The following SLC29A3 variants were observed in gnomAD, a reference collection of about 807,000 sequenced individuals.
SLC29A3 encodes equilibrative nucleoside transporter 3.
A neutral mutation model predicts 25.4 loss-of-function variants in SLC29A3; 18 were observed. The observed-to-expected ratio is 0.71, with a 90% CI of 0.49 to 1.05. The LOEUF (loss-of-function observed/expected upper bound fraction) is 1.05. Ranked by LOEUF, SLC29A3 falls within the 50% of genes least tolerant of loss-of-function variation. The pLI is 0.00. For missense variants in SLC29A3, 586 were observed against 609.0 expected (o/e 0.96, Z 0.40); for synonymous variants, 258 against 267.1 (o/e 0.97, Z 0.33).
intron 4 of SLC29A3, among the ~76,000 whole-genome samples, chr10:71,354,055 G>A (rs1009569980): frequency 1.3e-5 from 2 of 152,204 alleles, no homozygotes; most frequent in Non-Finnish European, 2.9e-5. Flanking sequence ...CTTCTCAGAA[G>A]TGGGCATCCT....
chr10:71,351,233 GC>G (rs1432692748), intron 3 of SLC29A3, among the ~76,000 whole-genome samples: 6 of 152,202 alleles, frequency 3.9e-5, no homozygotes, highest in African/African-American at 1.4e-4. Context: ...AAGGTGAAAA[GC>G]AGCAGAACCC....
rs186351797 is a variant in SLC29A3 at position 71,349,745 on chromosome 10, A to G, written c.384-1817A>G. 2.6e-5 allele frequency among the ~76,000 whole-genome samples: 4 copies of G among 152,182 alleles called. No individual in the cohort carries two copies. In the East Asian group the frequency reaches 7.7e-4, roughly 29 times the overall value. Reference sequence around the variant, plus strand: ...TCTGTGCTCCTCTGCTCGCATCTTGACTACAGCCAGAGTCCATTTGCAGCT... The same window carrying G: ...TCTGTGCTCCTCTGCTCGCATCTTGGCTACAGCCAGAGTCCATTTGCAGCT... On this transcript the variant is annotated intron_variant, in intron 3 of 5. Transcript: ENST00000373189.
At chr10:71,344,557 G>A (rs1228805500) in intron 3 of SLC29A3, among the ~76,000 whole-genome samples, 1 of 152,210 alleles carries the variant, frequency 6.6e-6, no homozygotes, top group Non-Finnish European at 1.5e-5. Flanking sequence ...GTGTGGGGAT[G>A]CAGGGGTCTT....
At chr10:71,376,396 C>G (rs1847252006) in intron 4 of SLC29A3, among the ~76,000 whole-genome samples, 2 of 152,034 alleles carry the variant, frequency 1.3e-5, no homozygotes, top group Admixed American at 6.5e-5. Context: ...CCCTGTAGAG[C>G]TGTGTCAGAG....
intron 3 of SLC29A3, among the ~76,000 whole-genome samples, chr10:71,372,982 G>A (rs1847222790): frequency 1.3e-5 from 2 of 152,154 alleles, no homozygotes; most frequent in Non-Finnish European, 2.9e-5. Flanking sequence ...CAGGCTGGAA[G>A]GCGCTGTGAT....
At chr10:71,357,393 C>T (rs985350922) in intron 5 of SLC29A3, among the ~76,000 whole-genome samples, 12 of 151,504 alleles carry the variant, frequency 7.9e-5, no homozygotes, top group Non-Finnish European at 1.3e-4. Context: ...CCAGCCTGGG[C>T]GACAGAGCAA....
intron 2 of SLC29A3, among the ~76,000 whole-genome samples, chr10:71,342,102 G>T (rs762763015): frequency 6.6e-6 from 1 of 152,316 alleles, no homozygotes; most frequent in African/African-American, 2.4e-5. Flanking sequence ...GGAGGGCATC[G>T]CACAGGTGTG....
chr10:71,340,009 A>C (rs1377041694), intron 2 of SLC29A3, among the ~76,000 whole-genome samples: 1 of 152,232 alleles, frequency 6.6e-6, no homozygotes, highest in African/African-American at 2.4e-5. Context: ...CAGCAAACAA[A>C]GGGACAGGTC....
intron 3 of SLC29A3, among the ~76,000 whole-genome samples, chr10:71,345,053 C>T (rs1420601232): frequency 1.3e-5 from 2 of 152,160 alleles, no homozygotes; most frequent in Non-Finnish European, 2.9e-5. Flanking sequence ...GATTCTAAGG[C>T]AGGTCTGGCT....
At chr10:71,319,656 G>C (rs902988107) in intron 1 of SLC29A3, 1 of 289,964 alleles carries the variant, frequency 3.4e-6, no homozygotes. Flanking sequence ...CCTGAGGCTG[G>C]GGCTGTTTAC....
intron 2 of SLC29A3, among the ~76,000 whole-genome samples, chr10:71,326,995 T>C (rs755861535): frequency 5.3e-5 from 8 of 152,180 alleles, no homozygotes; most frequent in Non-Finnish European, 1.2e-4. Context: ...TCTTCCTGAT[T>C]TCCCTGTGAG....
At chr10:71,360,266 C>T (rs945375959) in intron 5 of SLC29A3, among the ~76,000 whole-genome samples, 3 of 150,322 alleles carry the variant, frequency 2.0e-5, no homozygotes, top group Non-Finnish European at 4.4e-5. Flanking sequence ...GCCTCAGCCT[C>T]CTGAGTAGCT....
At chr10:71,339,752 C>G (rs1004417169) in intron 2 of SLC29A3, among the ~76,000 whole-genome samples, 14 of 152,132 alleles carry the variant, frequency 9.2e-5, no homozygotes, top group African/African-American at 3.4e-4. Flanking sequence ...TGTTTCTCTC[C>G]CCACTGGCAC....
At chr10:71,368,647 A>T (rs2131857145) in intron 3 of SLC29A3, among the ~76,000 whole-genome samples, 1 of 152,282 alleles carries the variant, frequency 6.6e-6, no homozygotes. Flanking sequence ...TCAGCTGGAA[A>T]ATTGGGCACC....
intron 1 of SLC29A3, among the ~76,000 whole-genome samples, chr10:71,320,673 T>C (rs1845828398): frequency 6.6e-6 from 1 of 152,230 alleles, no homozygotes; most frequent in South Asian, 2.1e-4. Context: ...ATAGACTTGC[T>C]GGCTGGATGC....
At chr10:71,372,197 C>G (rs1043654214) in intron 3 of SLC29A3, among the ~76,000 whole-genome samples, 1 of 152,168 alleles carries the variant, frequency 6.6e-6, no homozygotes, top group Non-Finnish European at 1.5e-5. Context: ...AATCAGATTT[C>G]CAGAGAAATA....
chr10:71,360,615 G>C (rs1847031452), intron 5 of SLC29A3, among the ~76,000 whole-genome samples: 1 of 152,182 alleles, frequency 6.6e-6, no homozygotes, highest in Admixed American at 6.5e-5. Flanking sequence ...CCTATTAGGA[G>C]AGCAGTTTAT....
chr10:71,366,192 A>G (rs2131855727), downstream of SLC29A3: 1 of 152,194 alleles, frequency 6.6e-6, no homozygotes, highest in Admixed American at 6.5e-5. Flanking sequence ...GAGTCTCACC[A>G]TGTTGCCTAG....
chr10:71,362,095 G>A lies in SLC29A3; in HGVS notation c.915G>A (p.Thr305=), dbSNP rs1046944911. The A allele has an allele frequency of 6.2e-6, 10 of 1,613,868 alleles. No homozygotes were observed. The highest frequency in any genetic ancestry group is 2.2e-5 in the East Asian group (1 of 44,888). Residue 305 remains threonine, a synonymous_variant, in exon 6 of 6, where the codon ACG becomes ACA. Coordinates refer to ENST00000373189, the MANE Select transcript of SLC29A3 (RefSeq NM_018344.6). ...TPPLRPILKK[T]ASLGFCVTYV... ...CTCTCCGCCCCATCCTGAAGAAGAC[G>A]GCCAGCCTGGGCTTCTGTGTCACCT...
Sources: allele counts gnomAD v4.1 joint callset (sites outside exome capture counted in the v4.1 genomes callset), GRCh38; gene constraint gnomAD v4.1.1; transcripts MANE v1.5; gene names NCBI Gene and HGNC (gene_info 2026-07-23, HGNC 2026-07-21).